Variants in ARHGAP24 observed in about 807,000 individuals in gnomAD.
ARHGAP24 encodes the protein rho GTPase-activating protein 24.
A neutral mutation model predicts 76.4 loss-of-function variants in ARHGAP24; 50 were observed. The observed-to-expected ratio is 0.65, with a 90% CI of 0.52 to 0.83. The LOEUF (loss-of-function observed/expected upper bound fraction) is 0.83. Ranked by LOEUF, ARHGAP24 falls within the 40% of genes least tolerant of loss-of-function variation. The pLI is 0.00. For missense variants in ARHGAP24, 930 were observed against 914.2 expected (o/e 1.02, Z -0.22); for synonymous variants, 345 against 323.3 (o/e 1.07, Z -0.72).
intron 7 of ARHGAP24, 105 bp from the exon 8 acceptor site, chr4:85,977,465 C>T (rs1312262662): frequency 7.7e-7 from 1 of 1,295,514 alleles, no homozygotes; most frequent in African/African-American, 1.5e-5. Context: ...TCTCCATAGT[C>T]ATCTTTGAAC....
chr4:85,922,691 G>C (rs986052952), intron 3 of ARHGAP24, among the ~76,000 whole-genome samples: 5 of 152,074 alleles, frequency 3.3e-5, no homozygotes, highest in African/African-American at 1.2e-4. Flanking sequence ...CTTGTCTTCA[G>C]AAATACTCCT....
At chr4:85,594,998 A>G (rs1719750451) in intron 2 of ARHGAP24, among the ~76,000 whole-genome samples, 2 of 151,150 alleles carry the variant, frequency 1.3e-5, no homozygotes, top group African/African-American at 2.4e-5. Context: ...TTTTTTTTGT[A>G]ACAGTCTTGC....
intron 2 of ARHGAP24, among the ~76,000 whole-genome samples, chr4:85,604,776 C>T (rs1052229609): frequency 1.3e-5 from 2 of 151,896 alleles, no homozygotes; most frequent in Admixed American, 6.6e-5. Context: ...TTAGTAGAAA[C>T]GGGGTTTCAC....
intron 1 of ARHGAP24, among the ~76,000 whole-genome samples, chr4:85,511,667 A>G (rs535932789): frequency 8.6e-5 from 13 of 151,878 alleles, no homozygotes; most frequent in Non-Finnish European, 1.8e-4. Context: ...GTTTCTCCAC[A>G]TTGGTCAGGT....
At chr4:85,649,281 C>G (rs1447260277) in intron 2 of ARHGAP24, among the ~76,000 whole-genome samples, 9 of 152,078 alleles carry the variant, frequency 5.9e-5, no homozygotes, top group Non-Finnish European at 1.3e-4. Flanking sequence ...ATGTCTTAAT[C>G]AGCATATTAA....
At chr4:85,817,011 A>G (rs182529928) in intron 3 of ARHGAP24, among the ~76,000 whole-genome samples, 9 of 152,256 alleles carry the variant, frequency 5.9e-5, no homozygotes, top group African/African-American at 2.2e-4. Flanking sequence ...CATTTCTTCG[A>G]TTATTAGTGA....
Position 85,564,560 on chromosome 4 carries a change from A to T in ARHGAP24, c.-20-5962A>T, listed in dbSNP as rs527729322. Among the ~76,000 whole-genome samples, 122 of 152,058 alleles carry T rather than the reference A, an allele frequency of 8.0e-4. 1 individual carries two copies. The highest frequency in any genetic ancestry group is 2.9e-3 in the African/African-American group (120 of 41,476). ...GTATAATAATAAAAAAAAATTAAAA[A>T]AAAAAGATTTTGTTTTCTAGAGCAG... On this transcript the variant is annotated intron_variant, in intron 1 of 9. Coordinates refer to ENST00000395184, the MANE Select transcript of ARHGAP24 (RefSeq NM_001025616.3).
At chr4:85,597,630 T>A (rs1279086944) in intron 2 of ARHGAP24, among the ~76,000 whole-genome samples, 1 of 812 alleles carries the variant, frequency 1.2e-3, no homozygotes, top group Non-Finnish European at 2.6e-3. Context: ...GGGCAGCAAC[T>A]TTTTTTTTTT....
At chr4:85,773,826 C>CA (rs1291819834) in intron 3 of ARHGAP24, among the ~76,000 whole-genome samples, 1 of 152,032 alleles carries the variant, frequency 6.6e-6, no homozygotes, top group Non-Finnish European at 1.5e-5. Flanking sequence ...GAAATTATTA[C>CA]AAAAACTTCA....
At chr4:85,845,451 C>G (rs1205284969) in intron 3 of ARHGAP24, among the ~76,000 whole-genome samples, 1 of 152,128 alleles carries the variant, frequency 6.6e-6, no homozygotes, top group Non-Finnish European at 1.5e-5. Context: ...TAACTGAAGT[C>G]TTACTCCCAA....
chr4:85,521,480 T>G (rs1034297332), intron 1 of ARHGAP24, among the ~76,000 whole-genome samples: 2 of 152,126 alleles, frequency 1.3e-5, no homozygotes, highest in African/African-American at 4.8e-5. Flanking sequence ...ATTGCCACAC[T>G]CATCCACTTC....
intron 2 of ARHGAP24, among the ~76,000 whole-genome samples, chr4:85,619,549 TG>T (rs1720648613): frequency 6.6e-6 from 1 of 151,882 alleles, no homozygotes; most frequent in African/African-American, 2.4e-5. Flanking sequence ...CTCTATGGAT[TG>T]CTTTGGTAGT....
At chr4:85,982,185 G>T (rs1330662599) in intron 8 of ARHGAP24, among the ~76,000 whole-genome samples, 1 of 151,746 alleles carries the variant, frequency 6.6e-6, no homozygotes, top group African/African-American at 2.4e-5. Flanking sequence ...AGAAGTCAGT[G>T]TTTTTGTTGT....
chr4:85,867,813 T>C (rs1732278508), intron 3 of ARHGAP24, among the ~76,000 whole-genome samples: 1 of 148,560 alleles, frequency 6.7e-6, no homozygotes, highest in Non-Finnish European at 1.5e-5. Context: ...ATTATATATA[T>C]AAAACTAGTG....
chr4:85,729,583 CAT>C (rs751291161), intron 3 of ARHGAP24, among the ~76,000 whole-genome samples: 54 of 152,226 alleles, frequency 3.5e-4, no homozygotes, highest in Non-Finnish European at 6.3e-4. Flanking sequence ...TGTTGGTAGA[CAT>C]ATTGATCCAG....
chr4:85,643,683 T>C (rs12503598), intron 2 of ARHGAP24, among the ~76,000 whole-genome samples: 1 of 152,048 alleles, frequency 6.6e-6, no homozygotes, highest in African/African-American at 2.4e-5. Context: ...ATGTGTTTTT[T>C]TTTCCACTCA....
chr4:85,560,613 A>G (rs1044581381), intron 1 of ARHGAP24, among the ~76,000 whole-genome samples: 2 of 152,216 alleles, frequency 1.3e-5, no homozygotes, highest in African/African-American at 2.4e-5. Flanking sequence ...TCCCCCAGGT[A>G]TGCCCTTCTG....
At chr4:85,619,778 ATTGAT>A in intron 2 of ARHGAP24, among the ~76,000 whole-genome samples, 2 of 152,100 alleles carry the variant, frequency 1.3e-5, no homozygotes, top group Middle Eastern at 3.4e-3. Flanking sequence ...TAGAAACACT[ATTGAT>A]TTTTGTATGT....
chr4:85,666,791 C>A (rs1009366093), intron 2 of ARHGAP24, among the ~76,000 whole-genome samples: 1 of 152,178 alleles, frequency 6.6e-6, no homozygotes, highest in Admixed American at 6.5e-5. Context: ...GTATCAGTAG[C>A]GGTGGCTGCA....
Sources: allele counts gnomAD v4.1 joint callset (sites outside exome capture counted in the v4.1 genomes callset), GRCh38; gene constraint gnomAD v4.1.1; transcripts MANE v1.5; gene names NCBI Gene and HGNC (gene_info 2026-07-23, HGNC 2026-07-21).